ASAP1: variants seen among roughly 807,000 people sequenced by gnomAD.
ASAP1 encodes the protein arf-GAP with SH3 domain, ANK repeat and PH domain-containing protein 1.
ASAP1 carries 43 observed loss-of-function variants against 145.2 expected under a neutral mutation model. The observed-to-expected ratio is 0.30, with a 90% CI of 0.23 to 0.38. ASAP1 has a LOEUF of 0.38. Among genes scored for constraint, ASAP1 ranks in the 10% least tolerant of loss-of-function variants. The probability of loss-of-function intolerance (pLI) is 1.00; values close to 1 mark genes in which losing one functional copy is unlikely to be tolerated. For synonymous variants in ASAP1, 546 were observed against 515.5 expected (o/e 1.06, Z -0.80); for missense variants, 1,018 against 1,355.3 (o/e 0.75, Z 3.91).
chr8:130,349,071 G>C (rs987819381), intron 3 of ASAP1, among the ~76,000 whole-genome samples: 2 of 152,204 alleles, frequency 1.3e-5, no homozygotes, highest in Admixed American at 6.5e-5. Context: ...CATCAGGCTG[G>C]CCTGGGTCAA....
intron 7 of ASAP1, among the ~76,000 whole-genome samples, chr8:130,181,775 C>T (rs889163553): frequency 1.3e-5 from 2 of 152,130 alleles, no homozygotes; most frequent in African/African-American, 4.8e-5. Context: ...GGTAATAATA[C>T]CAAAGATTAT....
intron 9 of ASAP1, among the ~76,000 whole-genome samples, chr8:130,173,694 G>A (rs1008757867): frequency 6.6e-6 from 1 of 151,830 alleles, no homozygotes; most frequent in Non-Finnish European, 1.5e-5. Flanking sequence ...CTTGAACCCA[G>A]GAGGTTGAAG....
intron 3 of ASAP1, among the ~76,000 whole-genome samples, chr8:130,323,103 G>A (rs2137684235): frequency 6.6e-6 from 1 of 152,308 alleles, no homozygotes; most frequent in Non-Finnish European, 1.5e-5. Context: ...GCACAGAAAT[G>A]GAAGGAAACT....
intron 2 of ASAP1, among the ~76,000 whole-genome samples, chr8:130,387,700 C>T (rs1828087455): frequency 6.6e-6 from 1 of 150,562 alleles, no homozygotes; most frequent in Admixed American, 6.6e-5. Context: ...ACTTTTTAAC[C>T]ACTTGTATAT....
At chr8:130,285,764 T>C (rs1324006893) in intron 3 of ASAP1, among the ~76,000 whole-genome samples, 1 of 152,252 alleles carries the variant, frequency 6.6e-6, no homozygotes. Context: ...GTAAAAAATA[T>C]GAAATATTTG....
chr8:130,195,633 T>G (rs952549071), intron 5 of ASAP1, among the ~76,000 whole-genome samples: 3 of 152,210 alleles, frequency 2.0e-5, no homozygotes, highest in African/African-American at 7.2e-5. Flanking sequence ...TTCCCCCTGC[T>G]AGTACATACA....
intron 1 of ASAP1, among the ~76,000 whole-genome samples, chr8:130,403,345 G>C (rs1828882505): frequency 6.6e-6 from 1 of 151,288 alleles, no homozygotes; most frequent in Admixed American, 6.6e-5. Flanking sequence ...ACAATTGAGT[G>C]ATATGAAGAA....
At chr8:130,093,259 G>T (rs938816524) in intron 24 of ASAP1, among the ~76,000 whole-genome samples, 1 of 152,204 alleles carries the variant, frequency 6.6e-6, no homozygotes, top group Non-Finnish European at 1.5e-5. Flanking sequence ...AAGTGACATT[G>T]AAGTGGCTGG....
intron 1 of ASAP1, among the ~76,000 whole-genome samples, chr8:130,405,996 A>C (rs1407754143): frequency 6.6e-6 from 1 of 152,188 alleles, no homozygotes; most frequent in Non-Finnish European, 1.5e-5. Context: ...TAAGGCATAA[A>C]ATTAAAATCA....
chr8:130,300,180 AGAGAGAGC>A (rs1415395033), intron 3 of ASAP1, among the ~76,000 whole-genome samples: 11 of 142,556 alleles, frequency 7.7e-5, no homozygotes, highest in South Asian at 4.8e-4. Flanking sequence ...AGAGAGAGAG[AGAGAGAGC>A]GAGCGAGCGA....
At chr8:130,336,717 G>C (rs1825059320) in intron 3 of ASAP1, among the ~76,000 whole-genome samples, 2 of 152,202 alleles carry the variant, frequency 1.3e-5, no homozygotes, top group South Asian at 4.1e-4. Context: ...CTTTTTGACA[G>C]TCTTCATTTT....
At position 130,358,800 on chromosome 8, in the gene ASAP1, C is replaced by T. The variant is rs1477863685; in HGVS notation, c.60-657G>A. 6.7e-6 allele frequency among the ~76,000 whole-genome samples: 1 copy of T among 149,770 alleles called. No homozygotes were observed. Among genetic ancestry groups the T allele is most frequent in the African/African-American group, 2.4e-5 (1 of 40,902 alleles). On this transcript the variant is annotated intron_variant, in intron 2 of 29. Transcript: ENST00000518721. The surrounding 1 kb of genome is among the most constrained non-coding windows in gnomAD (Gnocchi z 4.1). ...CCCCTGGGGCCTGGCTCCGAAGCTG[C>T]CGCTCCCGACCCCGGCTGCGCGGCA...
intron 3 of ASAP1, among the ~76,000 whole-genome samples, chr8:130,296,079 C>A (rs1309288494): frequency 6.6e-6 from 1 of 152,208 alleles, no homozygotes; most frequent in African/African-American, 2.4e-5. Context: ...GAACTGGTCA[C>A]ACTTGTCAGC....
chr8:130,170,854 G>C (rs1813546004), intron 9 of ASAP1, among the ~76,000 whole-genome samples: 1 of 152,062 alleles, frequency 6.6e-6, no homozygotes, highest in Non-Finnish European at 1.5e-5. Flanking sequence ...GAGTAGCCGG[G>C]ACTACAGAGG....
At chr8:130,191,049 GT>G (rs34379401) in intron 5 of ASAP1, among the ~76,000 whole-genome samples, 93,170 of 143,876 alleles carry the variant, frequency 0.65, 29,734 homozygotes, top group South Asian at 0.74. Flanking sequence ...CCGGGAAATA[GT>G]TTTTTTTTTT....
At chr8:130,298,329 G>GCAGGA (rs1310396954) in intron 3 of ASAP1, among the ~76,000 whole-genome samples, 1 of 152,134 alleles carries the variant, frequency 6.6e-6, no homozygotes, top group Non-Finnish European at 1.5e-5. Context: ...TGGCAGACAG[G>GCAGGA]CAGGACAAGC....
intron 18 of ASAP1, among the ~76,000 whole-genome samples, chr8:130,121,808 A>AT (rs2097566599): frequency 6.7e-6 from 1 of 148,678 alleles, no homozygotes; most frequent in Admixed American, 6.7e-5. Context: ...AAAAAAAAAA[A>AT]AAAAGAACAT....
At chr8:130,307,944 C>CT (rs879869028) in intron 3 of ASAP1, among the ~76,000 whole-genome samples, 6 of 152,202 alleles carry the variant, frequency 3.9e-5, no homozygotes, top group Admixed American at 3.3e-4. Flanking sequence ...ATAATGTTTG[C>CT]ACAGCCTCAG....
At chr8:130,059,722 C>G (rs1177934957) in intron 28 of ASAP1, among the ~76,000 whole-genome samples, 1 of 152,104 alleles carries the variant, frequency 6.6e-6, no homozygotes, top group African/African-American at 2.4e-5. Flanking sequence ...CTATGCTATT[C>G]TATTATATCG....
Sources: allele counts gnomAD v4.1 joint callset (sites outside exome capture counted in the v4.1 genomes callset), GRCh38; gene constraint gnomAD v4.1.1; non-coding constraint Gnocchi (gnomAD v3.1); transcripts MANE v1.5; gene names NCBI Gene and HGNC (gene_info 2026-07-23, HGNC 2026-07-21).